Variants in TFPI observed in about 807,000 individuals in gnomAD.
TFPI encodes tissue factor pathway inhibitor.
TFPI carries 15 observed loss-of-function variants against 34.6 expected under a neutral mutation model. That is an observed-to-expected ratio of 0.43 (90% CI 0.29 to 0.67). The LOEUF (loss-of-function observed/expected upper bound fraction) is 0.67, where lower values mean the gene tolerates loss of function less well. TFPI is among the 30% of genes least tolerant of loss of function. The pLI is 0.15. For missense variants in TFPI, 301 were observed against 364.0 expected (o/e 0.83, Z 1.41); for synonymous variants, 105 against 120.1 (o/e 0.87, Z 0.82).
chr2:187,526,340 G>A (rs1013193393), intron 1 of TFPI, among the ~76,000 whole-genome samples: 19 of 152,174 alleles, frequency 1.2e-4, no homozygotes, highest in Middle Eastern at 3.4e-3. Flanking sequence ...CAATGTAAAA[G>A]ACATGTTCTA....
rs8176511 is a variant in TFPI, at chr2:187,486,031, CA to C, written c.359-1045del. ...CAACAGTTGCAGATCTGCAAAAGAA[CA>C]AACTCCTTATTGAAAAGTTATTTTA... On this transcript the variant is annotated intron_variant, in intron 4 of 7. Transcript: ENST00000233156. Among the ~76,000 whole-genome samples the C allele has an allele frequency of 6.7e-3, 1,009 of 151,700 alleles. 12 individuals are homozygous for C. The highest frequency in any genetic ancestry group is 0.023 in the African/African-American group (959 of 41,494).
chr2:187,519,199 G>A (rs1004001252), intron 1 of TFPI: 1 of 152,184 alleles, frequency 6.6e-6, no homozygotes, highest in African/African-American at 2.4e-5. Context: ...CAAGGAGTGT[G>A]ATCTGTTGGA....
chr2:187,495,046 G>A (rs1685381136), intron 3 of TFPI, among the ~76,000 whole-genome samples: 1 of 152,132 alleles, frequency 6.6e-6, no homozygotes, highest in African/African-American at 2.4e-5. Flanking sequence ...GATAGATAAT[G>A]AGGAGATGGG....
At chr2:187,484,022 G>GGT in intron 6 of TFPI, 102 bp downstream of exon 6, 1 of 901,446 alleles carries the variant, frequency 1.1e-6, no homozygotes, top group South Asian at 1.6e-5. Context: ...CAACAACGCA[G>GGT]GTATATATAT....
chr2:187,481,555 C>T (rs948488103), intron 6 of TFPI, among the ~76,000 whole-genome samples: 1 of 150,044 alleles, frequency 6.7e-6, no homozygotes, highest in African/African-American at 2.4e-5. Context: ...AACATAGCTT[C>T]ATTGACAATC....
chr2:187,534,633 C>T (rs116635508), intron 1 of TFPI, among the ~76,000 whole-genome samples: 2,060 of 152,200 alleles, frequency 0.014, 31 homozygotes, highest in Non-Finnish European at 0.021. Context: ...TTGTAAAGAC[C>T]GTCAACACTA....
intron 6 of TFPI, among the ~76,000 whole-genome samples, chr2:187,472,491 C>T (rs148130887): frequency 5.8e-4 from 88 of 152,208 alleles, no homozygotes; most frequent in South Asian, 1.0e-3. Flanking sequence ...ATGCCTACAA[C>T]GACATTTAAA....
chr2:187,536,453 C>A (rs1287826510), intron 1 of TFPI, among the ~76,000 whole-genome samples: 2 of 152,188 alleles, frequency 1.3e-5, no homozygotes, highest in Non-Finnish European at 2.9e-5. Flanking sequence ...TAAACTTAAT[C>A]CATCACATAA....
chr2:187,545,765 GA>G (rs1343639519), intron 1 of TFPI, among the ~76,000 whole-genome samples: 1 of 152,002 alleles, frequency 6.6e-6, no homozygotes, highest in Non-Finnish European at 1.5e-5. Context: ...ATAAATTAAA[GA>G]AAATTAATTA....
intron 1 of TFPI, among the ~76,000 whole-genome samples, chr2:187,537,897 AAAC>A: frequency 6.9e-6 from 1 of 143,916 alleles, no homozygotes; most frequent in East Asian, 2.0e-4. Flanking sequence ...TACAAGAAAA[AAAC>A]AACCCCATCA....
In TFPI at chr2:187,466,643, C is replaced by A; in HGVS notation, c.*293G>T. The A allele has an allele frequency of 4.9e-6, 1 of 203,024 alleles. No homozygotes were observed. Among genetic ancestry groups the A allele is most frequent in the Non-Finnish European group, 9.9e-6 (1 of 100,640 alleles). 12.6% of individuals were successfully genotyped at this position (203,024 alleles called of 1,614,324 possible). On this transcript the variant is annotated 3_prime_UTR_variant, in exon 8 of 8. Coordinates refer to ENST00000233156, the MANE Select transcript of TFPI (RefSeq NM_006287.6). ...ATGGTCACCAAATGGAATCAAAGGA[C>A]TGATTTGATGTAGCCGGTAGTATGA...
At chr2:187,473,363 C>G (rs1692174107) in intron 6 of TFPI, among the ~76,000 whole-genome samples, 1 of 151,968 alleles carries the variant, frequency 6.6e-6, no homozygotes, top group African/African-American at 2.4e-5. Context: ...ATTGTTCGGG[C>G]TCCTCCAGCA....
intron 6 of TFPI, among the ~76,000 whole-genome samples, chr2:187,479,650 G>A (rs1331869896): frequency 6.3e-5 from 9 of 143,328 alleles, no homozygotes; most frequent in Admixed American, 5.0e-4. Flanking sequence ...TCACCAAAAC[G>A]ACAATTCCAT....
At chr2:187,510,930 G>A (rs1266377080) in intron 1 of TFPI, among the ~76,000 whole-genome samples, 4 of 152,136 alleles carry the variant, frequency 2.6e-5, no homozygotes, top group African/African-American at 9.7e-5. Context: ...GAGGAGTTTT[G>A]TCTGTGGCTT....
intron 1 of TFPI, among the ~76,000 whole-genome samples, chr2:187,532,654 C>T (rs951909369): frequency 6.6e-6 from 1 of 152,152 alleles, no homozygotes; most frequent in Non-Finnish European, 1.5e-5. Flanking sequence ...ATTGGACAGC[C>T]TTTGGGCAGT....
intron 6 of TFPI, among the ~76,000 whole-genome samples, chr2:187,469,700 C>T (rs1287710949): frequency 1.3e-5 from 2 of 152,008 alleles, no homozygotes; most frequent in African/African-American, 4.8e-5. Context: ...GATCTCTAGG[C>T]TTATTTATCC....
chr2:187,553,042 T>G (rs906851369), intron 1 of TFPI, among the ~76,000 whole-genome samples: 2 of 152,060 alleles, frequency 1.3e-5, no homozygotes, highest in African/African-American at 4.8e-5. Flanking sequence ...CCTCTTTAGT[T>G]TAAGGATTAG....
intron 6 of TFPI, among the ~76,000 whole-genome samples, chr2:187,475,720 ATCTT>A (rs1391605460): frequency 6.6e-6 from 1 of 152,184 alleles, no homozygotes; most frequent in East Asian, 1.9e-4. Context: ...TAAAAACCAC[ATCTT>A]TCTTTCTATA....
intron 5 of TFPI, chr2:187,484,454 G>GT (rs1693110252): frequency 1.9e-6 from 1 of 521,810 alleles, no homozygotes; most frequent in African/African-American, 2.0e-5. Flanking sequence ...TTTAATAAAT[G>GT]TTATAGGCAG....
Sources: gnomAD v4.1 joint callset for allele counts (sites outside exome capture counted in the v4.1 genomes callset) on GRCh38, gnomAD v4.1.1 for gene constraint, MANE v1.5 for transcripts, NCBI Gene and HGNC (gene_info 2026-07-23, HGNC 2026-07-21) for gene names.